Variants in SPATA13 observed in about 807,000 individuals in gnomAD.
SPATA13 encodes the protein spermatogenesis associated 13, also known as spermatogenesis-associated protein 13.
SPATA13 carries 50 observed loss-of-function variants against 104.0 expected under a neutral mutation model. That is an observed-to-expected ratio of 0.48 (90% CI 0.38 to 0.61). The LOEUF (loss-of-function observed/expected upper bound fraction) is 0.61, where lower values mean the gene tolerates loss of function less well. Ranked by LOEUF, SPATA13 falls within the 20% of genes least tolerant of loss-of-function variation. SPATA13 has a pLI of 0.00. For missense variants in SPATA13, 1,524 were observed against 1,690.6 expected (o/e 0.90, Z 1.73); for synonymous variants, 606 against 667.5 (o/e 0.91, Z 1.42).
chr13:24,028,719 C>T (rs1289487820), intron 3 of SPATA13, among the ~76,000 whole-genome samples: 7 of 152,126 alleles, frequency 4.6e-5, no homozygotes, highest in Admixed American at 2.6e-4. Flanking sequence ...AATGTTTGTC[C>T]GTTCTTACGC....
chr13:24,177,240 G>T (rs1015507193), intron 1 of SPATA13, among the ~76,000 whole-genome samples: 4 of 152,104 alleles, frequency 2.6e-5, no homozygotes, highest in African/African-American at 9.7e-5. Flanking sequence ...ATTTTTAATA[G>T]ATATGTGAAA....
chr13:24,027,134 GT>G (rs59906180), intron 3 of SPATA13, among the ~76,000 whole-genome samples: 23,936 of 110,780 alleles, frequency 0.22, 1,080 homozygotes, highest in Middle Eastern at 0.31. Context: ...TTGTTTAGCC[GT>G]TTTTTTTTTT....
chr13:24,224,002 A>G lies in SPATA13; in HGVS notation c.1073A>G (p.His358Arg), dbSNP rs1871775011. ...AGACTTCAGGCACACAGCCGGCTGCATGACGACTACTCCCGCCGCGTCTCC... is the reference window on the plus strand; with the variant it reads ...AGACTTCAGGCACACAGCCGGCTGCGTGACGACTACTCCCGCCGCGTCTCC... ...SLRLQAHSRL[H>R]DDYSRRVSRS... The change falls in exon 2 of 13, where the codon CAT (histidine) becomes CGT (arginine). Residue 358 changes from histidine (H) to arginine (R), a missense_variant. By Grantham distance (29) the His-to-Arg change is conservative. Coordinates refer to ENST00000382108, the MANE Select transcript of SPATA13 (RefSeq NM_001166271.3). 1 of 1,548,806 alleles carries G rather than the reference A, an allele frequency of 6.5e-7. No individual in the cohort carries two copies. Among genetic ancestry groups the G allele is most frequent in the African/African-American group, 1.4e-5 (1 of 73,132 alleles).
At chr13:24,086,539 C>T (rs976082044) in intron 3 of SPATA13, among the ~76,000 whole-genome samples, 11 of 152,088 alleles carry the variant, frequency 7.2e-5, no homozygotes, top group East Asian at 1.9e-4. Context: ...AAGACAAGTT[C>T]GATGGCTGGG....
At position 24,222,947 on chromosome 13, in the gene SPATA13, G is replaced by A. The variant is rs1871683811; in HGVS notation, c.18G>A (p.Val6=). MTQAA[V]RPWAPCLENM... is the part of the protein sequence containing the mutation. ...CCGTGGCCATGACCCAGGCTGCCGTGCGGCCCTGGGCACCCTGCCTGGAGA... is the reference window on the plus strand; with the variant it reads ...CCGTGGCCATGACCCAGGCTGCCGTACGGCCCTGGGCACCCTGCCTGGAGA... Residue 6 remains valine, a synonymous_variant, in exon 2 of 13, where the codon GTG becomes GTA. Transcript: ENST00000382108. 1 of 1,551,066 alleles carries A rather than the reference G, an allele frequency of 6.4e-7. No individual in the cohort carries two copies. The highest frequency in any genetic ancestry group is 1.4e-5 in the African/African-American group (1 of 73,066).
chr13:24,007,383 G>A (rs906531896), intron 2 of SPATA13, among the ~76,000 whole-genome samples: 1 of 152,186 alleles, frequency 6.6e-6, no homozygotes. Flanking sequence ...CCCCTGGGGC[G>A]ACTGACTGCT....
At chr13:24,300,597 C>A in intron 12 of SPATA13, 122 bp downstream of exon 12, 1 of 877,126 alleles carries the variant, frequency 1.1e-6, no homozygotes. Context: ...GAAGTTAGAA[C>A]TCAAGGGCAG....
At position 24,303,009 on chromosome 13, in the gene SPATA13, A is replaced by AC; in HGVS notation, c.*239dup. On this transcript the variant is annotated 3_prime_UTR_variant, in exon 13 of 13. Coordinates refer to ENST00000382108, the MANE Select transcript of SPATA13 (RefSeq NM_001166271.3). ...TTTATCCTACACAGAAACACCCGTGACCCACTATGAGATGGCCCAGATGTG... is the reference window on the plus strand; with the variant it reads ...TTTATCCTACACAGAAACACCCGTGACCCCACTATGAGATGGCCCAGATGTG... 1.7e-6 allele frequency: 1 copy of AC among 573,404 alleles called. No individual in the cohort carries two copies. The highest frequency in any genetic ancestry group is 2.0e-5 in the South Asian group (1 of 49,826). 35.5% of individuals were successfully genotyped at this position (573,404 alleles called of 1,614,324 possible).
intron 3 of SPATA13, chr13:24,123,651 A>G (rs1376925156): frequency 5.6e-6 from 9 of 1,601,444 alleles, no homozygotes; most frequent in Non-Finnish European, 6.0e-6. Context: ...GAAATCTTCA[A>G]ACACATCAAA....
At chr13:24,005,206 G>T (rs60474013) in intron 2 of SPATA13, among the ~76,000 whole-genome samples, 7,969 of 152,190 alleles carry the variant, frequency 0.052, 312 homozygotes, top group South Asian at 0.19. Flanking sequence ...AATCAGTTCT[G>T]TTTTCTGGTA....
intron 1 of SPATA13, among the ~76,000 whole-genome samples, chr13:24,202,517 TCC>T (rs1247355611): frequency 2.7e-4 from 34 of 126,864 alleles, no homozygotes; most frequent in Non-Finnish European, 4.5e-4. Context: ...TTTCTTTCTT[TCC>T]CTTTTTTTTT....
chr13:24,111,261 C>G (rs7323612), intron 3 of SPATA13, among the ~76,000 whole-genome samples: 45 of 152,174 alleles, frequency 3.0e-4, no homozygotes, highest in African/African-American at 8.2e-4. Context: ...AAAAAAAATT[C>G]TAACAAACTA....
At chr13:24,253,018 G>A (rs1873584063) in intron 4 of SPATA13, 1 of 152,162 alleles carries the variant, frequency 6.6e-6, no homozygotes, top group African/African-American at 2.4e-5. Flanking sequence ...ACTTATTTGG[G>A]GAGGAGTTAT....
intron 3 of SPATA13, among the ~76,000 whole-genome samples, chr13:24,050,267 A>G (rs941421295): frequency 6.6e-6 from 1 of 152,230 alleles, no homozygotes; most frequent in Admixed American, 6.5e-5. Flanking sequence ...TAAAAAATAG[A>G]AAGTTGATTT....
chr13:23,991,289 G>T (rs533617127), intron 2 of SPATA13, among the ~76,000 whole-genome samples: 4 of 152,312 alleles, frequency 2.6e-5, no homozygotes, highest in South Asian at 2.1e-4. Flanking sequence ...TGTAAGTGTG[G>T]TTTGGGGCTG....
At chr13:24,143,161 C>T (rs1286795872) in intron 3 of SPATA13, among the ~76,000 whole-genome samples, 2 of 152,222 alleles carry the variant, frequency 1.3e-5, no homozygotes, top group Non-Finnish European at 2.9e-5. Context: ...CTCCCCAGGG[C>T]ATTCCTTTTC....
At chr13:24,262,121 C>T (rs185784091) in intron 4 of SPATA13, among the ~76,000 whole-genome samples, 69 of 152,120 alleles carry the variant, frequency 4.5e-4, no homozygotes, top group East Asian at 3.1e-3. Context: ...ATATTAATCC[C>T]CAACATTTAG....
At chr13:24,139,959 T>C (rs981678172) in intron 3 of SPATA13, among the ~76,000 whole-genome samples, 4 of 151,516 alleles carry the variant, frequency 2.6e-5, no homozygotes, top group Non-Finnish European at 5.9e-5. Context: ...TCCCAGCTAC[T>C]CGGGAGGCTG....
chr13:24,101,719 T>C (rs1257770832), intron 3 of SPATA13, among the ~76,000 whole-genome samples: 1 of 152,162 alleles, frequency 6.6e-6, no homozygotes, highest in African/African-American at 2.4e-5. Context: ...CCTATATAAG[T>C]GGAATTGTTC....
Sources: allele counts gnomAD v4.1 joint callset (sites outside exome capture counted in the v4.1 genomes callset), GRCh38; gene constraint gnomAD v4.1.1; transcripts MANE v1.5; gene names NCBI Gene and HGNC (gene_info 2026-07-23, HGNC 2026-07-21).